Variants in ADAMTS6 observed in about 807,000 individuals in gnomAD.
The protein encoded by ADAMTS6 is ADAM metallopeptidase with thrombospondin type 1 motif 6.
ADAMTS6 carries 23 observed loss-of-function variants against 144.3 expected under a neutral mutation model. The ratio of observed to expected loss-of-function variants is 0.16; its 90% CI spans 0.11 to 0.23. The LOEUF is 0.23. Among genes scored for constraint, ADAMTS6 ranks in the 10% least tolerant of loss-of-function variants. The pLI is 1.00. For synonymous variants in ADAMTS6, 444 were observed against 457.5 expected, an observed-to-expected ratio of 0.97 and a Z score of 0.38; for missense variants, 999 against 1,379.6, an observed-to-expected ratio of 0.72 and a Z score of 4.37.
intron 10 of ADAMTS6, among the ~76,000 whole-genome samples, chr5:65,295,544 T>G (rs1455547044): frequency 6.6e-6 from 1 of 152,104 alleles, no homozygotes; most frequent in African/African-American, 2.4e-5. Flanking sequence ...AGTGTTAGTC[T>G]CCATCTATGT....
intron 9 of ADAMTS6, among the ~76,000 whole-genome samples, chr5:65,319,500 T>C (rs1189570201): frequency 7.1e-6 from 1 of 139,950 alleles, no homozygotes; most frequent in Non-Finnish European, 1.5e-5. Context: ...GGAAACATGG[T>C]GAAACCCCAT....
At chr5:65,408,840 GA>G (rs1199535032) in intron 7 of ADAMTS6, among the ~76,000 whole-genome samples, 1 of 152,164 alleles carries the variant, frequency 6.6e-6, no homozygotes, top group Non-Finnish European at 1.5e-5. Context: ...TCAGGATTAA[GA>G]AACTCACTCC....
intron 24 of ADAMTS6, among the ~76,000 whole-genome samples, chr5:65,169,316 C>G (rs894018895): frequency 4.0e-5 from 5 of 125,096 alleles, no homozygotes; most frequent in African/African-American, 1.0e-4. Context: ...CAGAGAAATG[C>G]AAATCAAAAC....
intron 7 of ADAMTS6, among the ~76,000 whole-genome samples, chr5:65,400,867 C>A (rs1472188590): frequency 5.3e-5 from 8 of 152,178 alleles, no homozygotes; most frequent in Admixed American, 3.9e-4. Flanking sequence ...ATTTCCGTTA[C>A]AGCGTTTTTG....
intron 7 of ADAMTS6, among the ~76,000 whole-genome samples, chr5:65,440,285 T>A (rs1757766414): frequency 6.6e-6 from 1 of 152,188 alleles, no homozygotes. Flanking sequence ...ATACAATGTT[T>A]AAAATGAACA....
intron 7 of ADAMTS6, among the ~76,000 whole-genome samples, chr5:65,369,942 T>A (rs1295981728): frequency 6.6e-6 from 1 of 152,122 alleles, no homozygotes; most frequent in Non-Finnish European, 1.5e-5. Flanking sequence ...GGAAGTTATT[T>A]TTTTTTCCTT....
chr5:65,404,728 TC>T (rs1261505751), intron 7 of ADAMTS6, among the ~76,000 whole-genome samples: 1 of 152,230 alleles, frequency 6.6e-6, no homozygotes, highest in African/African-American at 2.4e-5. Flanking sequence ...CACACTGCCT[TC>T]CACAATGGTT....
chr5:65,214,908 C>T lies in ADAMTS6; in HGVS notation c.2461G>A (p.Gly821Arg). Reference sequence around the variant, plus strand: ...GGAACATTGAACTTATACCTAATTCCCAAATTCTGTTCTTGAAGCAGAACC... The same window carrying T: ...GGAACATTGAACTTATACCTAATTCTCAAATTCTGTTCTTGAAGCAGAACC... The part of the protein sequence containing the change: ...VMVLLQEQNL[G>R]IRYKFNVPIT... Residue 821 changes from glycine to arginine, a missense_variant, in exon 20 of 25, where the codon GGA becomes AGA. By Grantham distance (125) the Gly-to-Arg change is moderately radical. This residue lies in a region of ADAMTS6 where 619 missense variants were observed against 837.0 expected (regional missense o/e 0.74). Transcript: ENST00000381055. This position sits in a 1 kb window ranked among gnomAD's most constrained non-coding sequence, Gnocchi z 4.6. 6.2e-7 allele frequency: 1 copy of T among 1,613,744 alleles called. No homozygotes were observed. Among genetic ancestry groups the T allele is most frequent in the Non-Finnish European group, 8.5e-7 (1 of 1,179,870 alleles).
intron 9 of ADAMTS6, among the ~76,000 whole-genome samples, chr5:65,308,383 T>C (rs764176993): frequency 6.6e-6 from 1 of 152,196 alleles, no homozygotes; most frequent in Non-Finnish European, 1.5e-5. Context: ...TGCAATTATG[T>C]TTGTTCTGTT....
intron 7 of ADAMTS6, among the ~76,000 whole-genome samples, chr5:65,408,332 A>T (rs1754751078): frequency 6.6e-6 from 1 of 152,204 alleles, no homozygotes; most frequent in African/African-American, 2.4e-5. Flanking sequence ...AAACAAAAAA[A>T]AGCAGGGGTT....
At chr5:65,382,100 G>A (rs150712940) in intron 7 of ADAMTS6, among the ~76,000 whole-genome samples, 2 of 152,196 alleles carry the variant, frequency 1.3e-5, no homozygotes, top group Admixed American at 6.5e-5. Context: ...CACAATTTGA[G>A]GTTAACTCTT....
At chr5:65,454,089 A>C (rs1371399844) in intron 4 of ADAMTS6, among the ~76,000 whole-genome samples, 2 of 152,180 alleles carry the variant, frequency 1.3e-5, no homozygotes, top group Non-Finnish European at 2.9e-5. Flanking sequence ...GTTCCTGATA[A>C]AAATAATGAG....
At chr5:65,233,991 A>G (rs1758459349) in intron 15 of ADAMTS6, among the ~76,000 whole-genome samples, 1 of 151,872 alleles carries the variant, frequency 6.6e-6, no homozygotes, top group South Asian at 2.1e-4. Context: ...ATAGTCAACT[A>G]ATCTTTGACA....
intron 21 of ADAMTS6, among the ~76,000 whole-genome samples, chr5:65,196,777 A>T (rs993402095): frequency 6.6e-6 from 1 of 152,172 alleles, no homozygotes; most frequent in Non-Finnish European, 1.5e-5. Context: ...GATCATTTCC[A>T]GCATTGTGTC....
intron 8 of ADAMTS6, 38 bp downstream of exon 8, chr5:65,333,997 TAAAAAAA>T (rs750637450): frequency 7.0e-4 from 592 of 842,072 alleles, no homozygotes; most frequent in East Asian, 3.0e-3. Context: ...CTACCTTTAT[TAAAAAAA>T]AAAAAAAAAA....
At position 65,292,730 on chromosome 5, in the gene ADAMTS6, T is replaced by C. The variant is rs145587847; in HGVS notation, c.1371-1260A>G. Among the ~76,000 whole-genome samples the C allele has an allele frequency of 2.9e-3, 435 of 152,194 alleles. 2 individuals carry two copies. The highest frequency in any genetic ancestry group is 0.01 in the African/African-American group (422 of 41,572). ...CCTTCTCCTTTCTTTCATGCCCTCCTGATTTTTTAATCAATAAGAAATATT... is the reference window on the plus strand; with the variant it reads ...CCTTCTCCTTTCTTTCATGCCCTCCCGATTTTTTAATCAATAAGAAATATT... On this transcript the variant is annotated intron_variant, in intron 10 of 24. Coordinates refer to ENST00000381055, the MANE Select transcript of ADAMTS6 (RefSeq NM_197941.4).
At chr5:65,379,505 A>T (rs1223905508) in intron 7 of ADAMTS6, among the ~76,000 whole-genome samples, 1 of 152,232 alleles carries the variant, frequency 6.6e-6, no homozygotes, top group Admixed American at 6.5e-5. Context: ...GTGAGATCTC[A>T]TCCTAACTTT....
rs116568964 is a variant in ADAMTS6 at position 65,395,390 on chromosome 5, G to A, written c.1073+56085C>T. Among the ~76,000 whole-genome samples the A allele has an allele frequency of 6.4e-3, 981 of 152,204 alleles. 9 individuals are homozygous for A. Among genetic ancestry groups the A allele is most frequent in the African/African-American group, 0.02 (842 of 41,530 alleles). On this transcript the variant is annotated intron_variant, in intron 7 of 24. Coordinates refer to ENST00000381055, the MANE Select transcript of ADAMTS6 (RefSeq NM_197941.4). ...TCCTTTAAGGTTTGATTTAATGAAT[G>A]CCAAGCATCTCAAATCCACAGGAAA...
chr5:65,461,680 T>C (rs1449698383), intron 3 of ADAMTS6, among the ~76,000 whole-genome samples: 3 of 152,210 alleles, frequency 2.0e-5, no homozygotes, highest in Non-Finnish European at 2.9e-5. Flanking sequence ...AAGGGTTCCA[T>C]GGAAGTGCCC....
Sources: allele counts gnomAD v4.1 joint callset (sites outside exome capture counted in the v4.1 genomes callset), GRCh38; gene constraint gnomAD v4.1.1; regional missense constraint gnomAD v4.1.1; non-coding constraint Gnocchi (gnomAD v3.1); transcripts MANE v1.5; gene names NCBI Gene and HGNC (gene_info 2026-07-23, HGNC 2026-07-21).